Variants in MAP7 observed in about 807,000 individuals in gnomAD.
MAP7 encodes ensconsin.
Under a neutral mutation model 94.8 loss-of-function variants are expected in MAP7, and 52 were observed. The observed-to-expected ratio is 0.55, with a 90% CI of 0.44 to 0.69. The LOEUF is 0.69. MAP7 is among the 30% of genes least tolerant of loss of function. The probability of loss-of-function intolerance (pLI) is 0.00; values close to 1 mark genes in which losing one functional copy is unlikely to be tolerated. For missense variants in MAP7, 940 were observed against 964.6 expected (o/e 0.97, Z 0.34); for synonymous variants, 350 against 357.0 (o/e 0.98, Z 0.22).
chr6:136,393,978 A>AATTTTTT lies in MAP7; in HGVS notation c.245-4462_245-4461insAAAAAAT. Among the ~76,000 whole-genome samples the AATTTTTT allele has an allele frequency of 8.3e-5, 3 of 36,202 alleles. 1 individual carries two copies. The highest frequency in any genetic ancestry group is 2.1e-4 in the Non-Finnish European group (3 of 13,994). The allele number at this position is 36,202 out of a possible 152,430, so 23.7% of individuals were successfully genotyped here. On this transcript the variant is annotated intron_variant, in intron 3 of 17. Coordinates refer to ENST00000354570, the MANE Select transcript of MAP7 (RefSeq NM_003980.6). ...GTTCTGATATCTCTGCAGCAAAGGT[A>AATTTTTT]TTTTTTTTTTTTTTTTTTTTTTTGA...
chr6:136,466,589 C>G (rs748388250), intron 1 of MAP7, among the ~76,000 whole-genome samples: 15 of 151,716 alleles, frequency 9.9e-5, no homozygotes, highest in Non-Finnish European at 2.1e-4. Context: ...ATTCCCACTC[C>G]TTTTTCTAAG....
At chr6:136,512,882 A>G (rs543567667) in intron 1 of MAP7, among the ~76,000 whole-genome samples, 6 of 150,258 alleles carry the variant, frequency 4.0e-5, no homozygotes, top group African/African-American at 1.5e-4. Flanking sequence ...CCCAGGCTGC[A>G]GTGCAGTAGC....
chr6:136,413,305 T>G (rs1290712043), intron 2 of MAP7, among the ~76,000 whole-genome samples: 1 of 152,112 alleles, frequency 6.6e-6, no homozygotes, highest in Non-Finnish European at 1.5e-5. Context: ...GGTGGTTCAC[T>G]TGAGGTCAGG....
intron 6 of MAP7, among the ~76,000 whole-genome samples, chr6:136,381,860 C>T (rs534816144): frequency 7.0e-6 from 1 of 142,990 alleles, no homozygotes; most frequent in Non-Finnish European, 1.5e-5. Flanking sequence ...TTCTCTACTC[C>T]TTACCACTTC....
At position 136,466,845 on chromosome 6, in the gene MAP7, G is replaced by A. The variant is rs928295025; in HGVS notation, c.68-45046C>T. On this transcript the variant is annotated intron_variant, in intron 1 of 17. Coordinates refer to ENST00000354570, the MANE Select transcript of MAP7 (RefSeq NM_003980.6). ...CTGCATGTCTCCCTCTTCTTGCTTT[G>A]TGTCCCTCAGCCAGGCAAAGACCAA... The A allele has an allele frequency of 4.0e-5, 62 of 1,532,184 alleles. No homozygotes were observed. In the Middle Eastern group the frequency reaches 1.5e-3, roughly 37 times the overall value. 94.9% of individuals were successfully genotyped at this position (1,532,184 alleles called of 1,614,324 possible).
intron 7 of MAP7, among the ~76,000 whole-genome samples, chr6:136,375,687 T>A (rs1188533096): frequency 6.6e-6 from 1 of 152,140 alleles, no homozygotes; most frequent in Non-Finnish European, 1.5e-5. Flanking sequence ...ATAAGCTGTA[T>A]CGATGAAACT....
At chr6:136,485,754 G>A (rs1030139364) in intron 1 of MAP7, among the ~76,000 whole-genome samples, 1 of 151,644 alleles carries the variant, frequency 6.6e-6, no homozygotes, top group African/African-American at 2.4e-5. Flanking sequence ...AGTAGAGACG[G>A]GGTTTCACCA....
chr6:136,474,097 A>G (rs1810025156), intron 1 of MAP7, among the ~76,000 whole-genome samples: 1 of 152,116 alleles, frequency 6.6e-6, no homozygotes, highest in Non-Finnish European at 1.5e-5. Flanking sequence ...AGATAGAGGG[A>G]TGAGTAAGGG....
At chr6:136,358,536 G>A (rs1036571125) in intron 15 of MAP7, among the ~76,000 whole-genome samples, 1 of 152,142 alleles carries the variant, frequency 6.6e-6, no homozygotes, top group Non-Finnish European at 1.5e-5. Flanking sequence ...AAGGAATTAT[G>A]ACATACAGAA....
chr6:136,404,841 T>C (rs577356952), intron 3 of MAP7, among the ~76,000 whole-genome samples: 40 of 152,342 alleles, frequency 2.6e-4, no homozygotes, highest in African/African-American at 9.6e-4. Flanking sequence ...TACACAGTCC[T>C]TAAATATTCT....
intron 1 of MAP7, among the ~76,000 whole-genome samples, chr6:136,458,474 A>G (rs946872019): frequency 2.0e-5 from 3 of 152,110 alleles, no homozygotes; most frequent in Non-Finnish European, 2.9e-5. Context: ...TCAAATGATC[A>G]GGAGAAGGAA....
intron 1 of MAP7, among the ~76,000 whole-genome samples, chr6:136,533,470 T>C (rs1225403636): frequency 6.6e-6 from 1 of 152,218 alleles, no homozygotes. Flanking sequence ...ATTAAGTCTT[T>C]AGGACAGCAA....
intron 1 of MAP7, among the ~76,000 whole-genome samples, chr6:136,504,712 G>A (rs1029419724): frequency 2.0e-5 from 3 of 151,238 alleles, no homozygotes; most frequent in Non-Finnish European, 2.9e-5. Context: ...ACATAGTCTC[G>A]CTCTGTTGCC....
intron 1 of MAP7, among the ~76,000 whole-genome samples, chr6:136,476,315 C>T (rs12527022): frequency 0.014 from 2,096 of 152,228 alleles, 86 homozygotes; most frequent in East Asian, 0.14. Context: ...AGCCTCCAGC[C>T]ACATGTGCCT....
In MAP7 at chr6:136,344,142, G is replaced by T; in HGVS notation, c.*86C>A. ...CAAGAACTCTAGAAAACGGGTGGAG[G>T]GGATGCTCCTTTATAGCAGGAAAGG... On this transcript the variant is annotated 3_prime_UTR_variant, in exon 18 of 18. Coordinates refer to ENST00000354570, the MANE Select transcript of MAP7 (RefSeq NM_003980.6). 1 of 587,152 alleles carries T rather than the reference G, an allele frequency of 1.7e-6. No individual in the cohort carries two copies. The highest frequency in any genetic ancestry group is 4.0e-5 in the Admixed American group (1 of 25,140). 36.4% of individuals were successfully genotyped at this position (587,152 alleles called of 1,614,324 possible).
intron 1 of MAP7, among the ~76,000 whole-genome samples, chr6:136,545,708 C>T (rs373913440): frequency 4.1e-4 from 63 of 152,276 alleles, no homozygotes; most frequent in African/African-American, 1.4e-3. Flanking sequence ...TTTTATATCC[C>T]ACTTACCCAT....
intron 3 of MAP7, among the ~76,000 whole-genome samples, chr6:136,394,195 A>G (rs372609306): frequency 3.9e-5 from 6 of 151,930 alleles, no homozygotes; most frequent in Admixed American, 2.0e-4. Context: ...GTGTTAGCCA[A>G]GATGGTCTCG....
At chr6:136,538,525 C>T (rs765662079) in intron 1 of MAP7, among the ~76,000 whole-genome samples, 5 of 152,080 alleles carry the variant, frequency 3.3e-5, no homozygotes, top group Non-Finnish European at 7.4e-5. Flanking sequence ...GTGGCTCACG[C>T]CTGTAATCCC....
chr6:136,535,737 CTTT>C (rs958095692), intron 1 of MAP7, among the ~76,000 whole-genome samples: 4 of 146,840 alleles, frequency 2.7e-5, no homozygotes, highest in East Asian at 2.0e-4. Flanking sequence ...TATTTGTCAT[CTTT>C]TTTTTTCTTT....
Sources: allele counts gnomAD v4.1 joint callset (sites outside exome capture counted in the v4.1 genomes callset), GRCh38; gene constraint gnomAD v4.1.1; transcripts MANE v1.5; gene names NCBI Gene and HGNC (gene_info 2026-07-23, HGNC 2026-07-21).